HPSE: variants seen among roughly 807,000 people sequenced by gnomAD.
The protein encoded by HPSE is heparanase.
A neutral mutation model predicts 65.1 loss-of-function variants in HPSE; 48 were observed. The ratio of observed to expected loss-of-function variants is 0.74; its 90% CI spans 0.58 to 0.94. The LOEUF (loss-of-function observed/expected upper bound fraction) is 0.94, where lower values mean the gene tolerates loss of function less well. HPSE is among the 40% of genes least tolerant of loss of function. HPSE has a pLI of 0.00. For missense variants in HPSE, 644 were observed against 637.5 expected (o/e 1.01, Z -0.11); for synonymous variants, 243 against 260.0 (o/e 0.93, Z 0.63).
intron 4 of HPSE, among the ~76,000 whole-genome samples, 192 bp downstream of exon 4, chr4:83,312,922 T>C (rs775478487): frequency 7.0e-5 from 3 of 42,870 alleles, no homozygotes; most frequent in Non-Finnish European, 1.2e-4. Context: ...CTCGGGAGGC[T>C]GAGGCAGGAG....
At chr4:83,296,434 G>GAA (rs1560502190) in intron 11 of HPSE, among the ~76,000 whole-genome samples, 2 of 152,168 alleles carry the variant, frequency 1.3e-5, no homozygotes, top group Non-Finnish European at 2.9e-5. Context: ...AGCACTTTGG[G>GAA]AGGCTGAGGC....
Position 83,334,542 on chromosome 4 carries a change from A to G in HPSE, c.227+14T>C, listed in dbSNP as rs958855317. 8 of 1,564,792 alleles carry G rather than the reference A, an allele frequency of 5.1e-6. No homozygotes were observed. The highest frequency in any genetic ancestry group is 6.9e-6 in the Non-Finnish European group (8 of 1,154,608). ...GGACAGGAAAGGGGACAGGACCAGG[A>G]GGCTGGCGCTTACCCCAGGAGGATG... is the stretch of plus-strand genomic sequence containing the variant. On this transcript the variant is annotated intron_variant, in intron 1 of 11. Transcript: ENST00000311412.
At position 83,310,045 on chromosome 4, in the gene HPSE, T is replaced by G; in HGVS notation, c.876A>C (p.Ser292=). ...FLKAGGEVID[S]VTWHHYYLNG... ...GACATACTTACTGATGCCATGTAACTGAATCAATCACTTCTCCACCAGCCT... is the reference window on the plus strand; with the variant it reads ...GACATACTTACTGATGCCATGTAACGGAATCAATCACTTCTCCACCAGCCT... The change falls in exon 6 of 12, where the codon TCA becomes TCC. Residue 292 remains serine, a synonymous_variant. Transcript: ENST00000311412. 2 of 1,610,958 alleles carry G rather than the reference T, an allele frequency of 1.2e-6. No individual in the cohort carries two copies. The highest frequency in any genetic ancestry group is 1.7e-6 in the Non-Finnish European group (2 of 1,177,862).
At chr4:83,301,430 TAGG>T (rs1420731765) in intron 10 of HPSE, among the ~76,000 whole-genome samples, 1 of 152,144 alleles carries the variant, frequency 6.6e-6, no homozygotes, top group Admixed American at 6.6e-5. Context: ...TTTTCAGACA[TAGG>T]AAGGTAAAAG....
intron 1 of HPSE, among the ~76,000 whole-genome samples, chr4:83,333,529 G>GCA (rs1737481219): frequency 6.6e-6 from 1 of 152,170 alleles, no homozygotes; most frequent in African/African-American, 2.4e-5. Context: ...ATCTGGGCTG[G>GCA]TCAAGATGTG....
intron 2 of HPSE, among the ~76,000 whole-genome samples, chr4:83,321,426 C>T (rs982791954): frequency 2.6e-5 from 4 of 151,978 alleles, no homozygotes; most frequent in Non-Finnish European, 4.4e-5. Context: ...ACGTTATATA[C>T]ACATTATTAT....
At chr4:83,323,278 C>T (rs540587662) in intron 1 of HPSE, among the ~76,000 whole-genome samples, 1 of 152,136 alleles carries the variant, frequency 6.6e-6, no homozygotes, top group East Asian at 1.9e-4. Flanking sequence ...TGCTCAAACC[C>T]ATAGAATGTA....
chr4:83,313,591 C>T (rs1167071399), intron 3 of HPSE, among the ~76,000 whole-genome samples: 1 of 152,300 alleles, frequency 6.6e-6, no homozygotes, highest in Middle Eastern at 3.4e-3. Flanking sequence ...TAGCTCAGTG[C>T]TCCACATGCA....
Position 83,313,139 on chromosome 4 carries a change from A to G in HPSE, c.648T>C (p.Tyr216=), listed in dbSNP as rs1219522768. ...LLLDYCSSKG[Y]NISWELGNEP... is the part of the protein sequence containing the mutation. ...CATTGCCTAGTTCCCAAGAAATGTT[A>G]TACCCCTTGGAAGAGCAGTAGTCCA... is the stretch of plus-strand genomic sequence containing the variant. Residue 216 remains tyrosine, a synonymous_variant, in exon 4 of 12, where the codon TAT becomes TAC. Coordinates refer to ENST00000311412, the MANE Select transcript of HPSE (RefSeq NM_001098540.3). 1 of 1,613,556 alleles carries G rather than the reference A, an allele frequency of 6.2e-7. No individual in the cohort carries two copies. The highest frequency in any genetic ancestry group is 8.5e-7 in the Non-Finnish European group (1 of 1,179,556).
chr4:83,315,614 G>T (rs1212195837), intron 3 of HPSE, among the ~76,000 whole-genome samples: 1 of 152,096 alleles, frequency 6.6e-6, no homozygotes, highest in Non-Finnish European at 1.5e-5. Context: ...TAAGACTTGA[G>T]CTCCAGGCAC....
At chr4:83,314,426 C>A (rs988258981) in intron 3 of HPSE, among the ~76,000 whole-genome samples, 1 of 152,136 alleles carries the variant, frequency 6.6e-6, no homozygotes, top group African/African-American at 2.4e-5. Flanking sequence ...ATCTATTGGA[C>A]AGCATTACTA....
chr4:83,301,972 A>C (rs1198690224), intron 10 of HPSE, among the ~76,000 whole-genome samples, 178 bp downstream of exon 10: 1 of 152,202 alleles, frequency 6.6e-6, no homozygotes, highest in African/African-American at 2.4e-5. Flanking sequence ...CAACAACAAC[A>C]AAAGTAGCAT....
chr4:83,299,996 C>G (rs371994778), intron 11 of HPSE, among the ~76,000 whole-genome samples: 6 of 152,166 alleles, frequency 3.9e-5, no homozygotes, highest in South Asian at 2.1e-4. Flanking sequence ...AGCCACTGCG[C>G]CAAGCCTGTA....
intron 11 of HPSE, among the ~76,000 whole-genome samples, chr4:83,300,289 T>C (rs1735890400): frequency 6.6e-6 from 1 of 152,226 alleles, no homozygotes; most frequent in Admixed American, 6.5e-5. Context: ...TCTCACATGG[T>C]ATGATATTTT....
intron 1 of HPSE, among the ~76,000 whole-genome samples, chr4:83,328,751 CTTGGGGAAAGG>C (rs1560516524): frequency 2.4e-3 from 3 of 1,266 alleles, no homozygotes; most frequent in Non-Finnish European, 5.1e-3. Context: ...ATGGGAAAGG[CTTGGGGAAAGG>C]CTTGGGGAAA....
intron 1 of HPSE, among the ~76,000 whole-genome samples, chr4:83,323,312 A>G (rs1019966182): frequency 5.3e-5 from 8 of 152,130 alleles, no homozygotes; most frequent in South Asian, 2.1e-4. Flanking sequence ...CCCTGCCGTG[A>G]ACTATGGACT....
chr4:83,306,819 C>T (rs952963404), intron 8 of HPSE, among the ~76,000 whole-genome samples: 2 of 152,150 alleles, frequency 1.3e-5, no homozygotes, highest in African/African-American at 4.8e-5. Flanking sequence ...TTAGAGATTA[C>T]GGTTTAGGGA....
In HPSE at chr4:83,322,235, T is replaced by A; in HGVS notation, c.357A>T (p.Gln119His). 1 of 1,613,588 alleles carries A rather than the reference T, an allele frequency of 6.2e-7. No individual in the cohort carries two copies. Among genetic ancestry groups the A allele is most frequent in the Non-Finnish European group, 8.5e-7 (1 of 1,179,780 alleles). ...ESTFEERSYWQSQVNQDICKY... is the reference protein window; with the variant it reads ...ESTFEERSYWHSQVNQDICKY... Reference sequence around the variant, plus strand: ...AATTTTCACCCTGGTTGACTTGAGATTGCCAGTAACTTCTCTCTTCAAAGG... The same window carrying A: ...AATTTTCACCCTGGTTGACTTGAGAATGCCAGTAACTTCTCTCTTCAAAGG... Residue 119 changes from glutamine to histidine, a missense_variant, in exon 2 of 12, where the codon CAA becomes CAT. Coordinates refer to ENST00000311412, the MANE Select transcript of HPSE (RefSeq NM_001098540.3).
chr4:83,299,363 CAAAAAAAAA>C (rs757562812), intron 11 of HPSE, among the ~76,000 whole-genome samples: 4 of 90,998 alleles, frequency 4.4e-5, no homozygotes, highest in Non-Finnish European at 2.1e-5. Flanking sequence ...GACTCTGTCT[CAAAAAAAAA>C]AAAAAAAAAA....
Sources: allele counts gnomAD v4.1 joint callset (sites outside exome capture counted in the v4.1 genomes callset), GRCh38; gene constraint gnomAD v4.1.1; transcripts MANE v1.5; gene names NCBI Gene and HGNC (gene_info 2026-07-23, HGNC 2026-07-21).